Variants in TTC6 observed in about 807,000 individuals in gnomAD.
The protein encoded by TTC6 is tetratricopeptide repeat domain 6.
Under a neutral mutation model 210.4 loss-of-function variants are expected in TTC6, and 172 were observed. That is an observed-to-expected ratio of 0.82 (90% CI 0.72 to 0.93). The LOEUF (loss-of-function observed/expected upper bound fraction) is 0.93. Among genes scored for constraint, TTC6 ranks in the 40% least tolerant of loss-of-function variants. The pLI is 0.00. For synonymous variants in TTC6, 804 were observed against 819.6 expected (o/e 0.98, Z 0.32); for missense variants, 2,414 against 2,318.1 (o/e 1.04, Z -0.85).
At chr14:37,823,865 G>A (rs759172402) in exon 27 of TTC6, 5 of 1,613,880 alleles carry the variant, frequency 3.1e-6, no homozygotes, top group African/African-American at 1.3e-5. Flanking sequence ...TCATGATGAA[G>A]CCACCAAGCA....
chr14:37,681,703 C>G (rs540131925), intron 2 of TTC6, among the ~76,000 whole-genome samples: 14 of 152,066 alleles, frequency 9.2e-5, no homozygotes, highest in Non-Finnish European at 1.3e-4. Context: ...TAGTGGTTTG[C>G]TGGGGGCTTT....
In TTC6 at chr14:37,820,914, CCTTCTCCTCCTT is replaced by C. The variant is rs1566973726; in HGVS notation, c.4764-2821_4764-2810del. Among the ~76,000 whole-genome samples the C allele has an allele frequency of 7.2e-3, 1,083 of 150,596 alleles. 7 individuals carry two copies. The highest frequency in any genetic ancestry group is 0.025 in the African/African-American group (1,025 of 40,712). Reference sequence around the variant, plus strand: ...TCCTCCTTCTCCTCCTTCTCCTCCTCCTTCTCCTCCTTCTTCTCCTCCTCCTTCTTCTCCTCC... The same window carrying C: ...TCCTCCTTCTCCTCCTTCTCCTCCTCCTTCTCCTCCTCCTTCTTCTCCTCC... On this transcript the variant is annotated intron_variant, in intron 26 of 30. Transcript: ENST00000553443.
intron 1 of TTC6, among the ~76,000 whole-genome samples, chr14:37,634,326 TATA>T (rs1334821550): frequency 2.6e-5 from 4 of 151,176 alleles, no homozygotes; most frequent in African/African-American, 9.7e-5. Flanking sequence ...TACTGGAAAA[TATA>T]ATAACTGAAA....
rs758502195 is a variant in TTC6, at chr14:37,796,899, C to T, written c.3981C>T (p.Thr1327=). 44 of 1,607,272 alleles carry T rather than the reference C, an allele frequency of 2.7e-5. No individual in the cohort carries two copies. In the East Asian group the frequency reaches 9.4e-4, roughly 34 times the overall value. The stretch of plus-strand genomic sequence containing the variant: ...TCAGCTGGAATAGAGCTGAGATGAC[C>T]ATGTGTGCTCTATTAGCAAAAGTTC... Residue 1327 remains threonine (T), a synonymous_variant, in exon 20 of 31, where the codon ACC becomes ACT. Coordinates refer to ENST00000553443, the Ensembl canonical transcript of TTC6.
At position 37,834,481 on chromosome 14, in the gene TTC6, AT is replaced by A. The variant is rs368700277; in HGVS notation, c.5299-6958del. 2.6e-5 allele frequency among the ~76,000 whole-genome samples: 4 copies of A among 151,998 alleles called. No individual in the cohort carries two copies. The South Asian group carries it at 8.3e-4, about 32-fold the overall frequency. On this transcript the variant is annotated intron_variant, in intron 29 of 30. Transcript: ENST00000553443. ...GTCTATTGTTGAATGTCTTGATTGT[AT>A]TTTTTATTGCATTCATTGAATTCTT... is the stretch of plus-strand genomic sequence containing the variant.
intron 4 of TTC6, among the ~76,000 whole-genome samples, chr14:37,698,821 G>T (rs984100656): frequency 1.3e-5 from 2 of 152,148 alleles, no homozygotes; most frequent in Non-Finnish European, 2.9e-5. Flanking sequence ...AGATATTTCT[G>T]CAGGCTGGGA....
upstream of TTC6, among the ~76,000 whole-genome samples, chr14:37,619,838 T>A (rs2095648507): frequency 6.6e-6 from 1 of 152,170 alleles, no homozygotes; most frequent in South Asian, 2.1e-4. Flanking sequence ...TCAAATGAAT[T>A]CAGAATTACC....
chr14:37,817,160 A>T (rs1019566030), intron 25 of TTC6, among the ~76,000 whole-genome samples: 9 of 152,172 alleles, frequency 5.9e-5, no homozygotes, highest in African/African-American at 2.2e-4. Flanking sequence ...ATAGTCACAT[A>T]ACATCAAAGG....
At chr14:37,688,356 G>A (rs1388948249) in intron 3 of TTC6, among the ~76,000 whole-genome samples, 2 of 152,122 alleles carry the variant, frequency 1.3e-5, no homozygotes, top group African/African-American at 4.8e-5. Flanking sequence ...GGTTGCACCC[G>A]GGGTCTGAGC....
At chr14:37,823,864 A>G in exon 27 of TTC6, 1 of 1,614,038 alleles carries the variant, frequency 6.2e-7, no homozygotes, top group Non-Finnish European at 8.5e-7. Context: ...GTCATGATGA[A>G]GCCACCAAGC....
At chr14:37,760,887 G>A (rs7154108) in intron 14 of TTC6, among the ~76,000 whole-genome samples, 1 of 152,004 alleles carries the variant, frequency 6.6e-6, no homozygotes, top group Non-Finnish European at 1.5e-5. Context: ...ATCATCCCAG[G>A]TCGACTTCAG....
chr14:37,832,459 T>C (rs2096188264), intron 29 of TTC6, among the ~76,000 whole-genome samples: 1 of 151,486 alleles, frequency 6.6e-6, no homozygotes, highest in South Asian at 2.1e-4. Flanking sequence ...CATTCAACTC[T>C]ATAAATGTCC....
chr14:37,726,094 T>C (rs1218085580), intron 7 of TTC6, among the ~76,000 whole-genome samples: 1 of 152,326 alleles, frequency 6.6e-6, no homozygotes, highest in Non-Finnish European at 1.5e-5. Context: ...TTTTTCCTTT[T>C]TTTTTCTTGG....
At position 37,597,890 on chromosome 14, in the gene TTC6, C is replaced by G. The variant is rs757647604; in HGVS notation, c.-235+1882C>G. 7.9e-5 allele frequency among the ~76,000 whole-genome samples: 12 copies of G among 152,162 alleles called. No homozygotes were observed. In the South Asian group the frequency reaches 2.1e-3, roughly 26 times the overall value. On this transcript the variant is annotated intron_variant, in intron 1 of 2. Transcript: ENST00000556845. ...GGAGAGATGGCCGTTCGTCCAGCTCCCAGCCTCTCTCCATCTCAGTGGCCG... is the reference window on the plus strand; with the variant it reads ...GGAGAGATGGCCGTTCGTCCAGCTCGCAGCCTCTCTCCATCTCAGTGGCCG...
chr14:37,639,174 C>T (rs560566332), intron 1 of TTC6, among the ~76,000 whole-genome samples: 4 of 152,112 alleles, frequency 2.6e-5, no homozygotes, highest in Admixed American at 2.6e-4. Flanking sequence ...TTTTCTTGGC[C>T]CTTTGCTTTT....
intron 14 of TTC6, among the ~76,000 whole-genome samples, chr14:37,756,367 C>G (rs2095967727): frequency 6.6e-6 from 1 of 152,100 alleles, no homozygotes; most frequent in South Asian, 2.1e-4. Flanking sequence ...TTTCACTGGC[C>G]AGAACTTCCA....
exon 16 of TTC6, chr14:37,790,831 T>C: frequency 6.5e-7 from 1 of 1,531,240 alleles, no homozygotes; most frequent in South Asian, 1.2e-5. Context: ...GTCATTTCTC[T>C]AGAAAGGTAT....
exon 29 of TTC6, chr14:37,827,311 C>T (rs75387183): frequency 8.1e-6 from 13 of 1,613,204 alleles, no homozygotes; most frequent in African/African-American, 1.3e-5. Context: ...CCCAAGTACT[C>T]GCTGGCTTAC....
At chr14:37,808,337 C>T (rs554973090) in intron 23 of TTC6, among the ~76,000 whole-genome samples, 22 of 152,132 alleles carry the variant, frequency 1.4e-4, no homozygotes, top group Non-Finnish European at 2.5e-4. Context: ...GAAAACATGA[C>T]GATTATGTGA....
Sources: gnomAD v4.1 joint callset for allele counts (sites outside exome capture counted in the v4.1 genomes callset) on GRCh38, gnomAD v4.1.1 for gene constraint, MANE v1.5 for transcripts, NCBI Gene and HGNC (gene_info 2026-07-23, HGNC 2026-07-21) for gene names.